The following PRKG1 variants were observed in gnomAD, a reference collection of about 807,000 sequenced individuals.
PRKG1 encodes cGMP-dependent protein kinase 1.
A neutral mutation model predicts 88.1 loss-of-function variants in PRKG1; 35 were observed. The observed-to-expected ratio is 0.40, with a 90% CI of 0.30 to 0.53. PRKG1 has a LOEUF of 0.53. PRKG1 is among the 20% of genes least tolerant of loss of function. The pLI is 0.59. For synonymous variants in PRKG1, 303 were observed against 292.5 expected, an observed-to-expected ratio of 1.04 and a Z score of -0.37; for missense variants, 540 against 839.8, an observed-to-expected ratio of 0.64 and a Z score of 4.41.
intron 3 of PRKG1, among the ~76,000 whole-genome samples, chr10:51,689,903 G>A (rs1194559040): frequency 1.3e-5 from 2 of 152,162 alleles, no homozygotes; most frequent in African/African-American, 4.8e-5. Context: ...GGTAGTGTGC[G>A]ACATTGGTAT....
intron 13 of PRKG1, among the ~76,000 whole-genome samples, chr10:52,281,900 C>T (rs539159539): frequency 2.3e-4 from 35 of 152,038 alleles, no homozygotes; most frequent in Non-Finnish European, 4.7e-4. Context: ...AAACTATATT[C>T]GGAAAGGAAG....
At chr10:51,904,052 C>A (rs139379316) in intron 4 of PRKG1, among the ~76,000 whole-genome samples, 1 of 152,052 alleles carries the variant, frequency 6.6e-6, no homozygotes. Context: ...AATTGTAAGT[C>A]GTTGCTACAT....
chr10:51,365,558 T>G (rs1842571573), intron 2 of PRKG1, among the ~76,000 whole-genome samples: 1 of 151,914 alleles, frequency 6.6e-6, no homozygotes. Flanking sequence ...GGGCTGAATA[T>G]TCTAATAATT....
chr10:51,424,154 A>G (rs1367264458), intron 2 of PRKG1, among the ~76,000 whole-genome samples: 2 of 152,148 alleles, frequency 1.3e-5, no homozygotes, highest in Non-Finnish European at 2.9e-5. Context: ...TTTTAACATA[A>G]AAGAATCTGA....
chr10:51,766,217 C>T (rs1838158624), intron 3 of PRKG1, among the ~76,000 whole-genome samples: 2 of 149,314 alleles, frequency 1.3e-5, no homozygotes, highest in African/African-American at 5.2e-5. Flanking sequence ...TGCTGTTTCA[C>T]AGTTAAATAC....
chr10:51,010,253 C>G (rs1842978168), intron 1 of PRKG1, among the ~76,000 whole-genome samples: 1 of 152,216 alleles, frequency 6.6e-6, no homozygotes, highest in African/African-American at 2.4e-5. Context: ...AGCATCTTTG[C>G]CAATTATTTG....
chr10:51,067,747 G>C (rs188376014), intron 1 of PRKG1, among the ~76,000 whole-genome samples: 28 of 152,098 alleles, frequency 1.8e-4, no homozygotes, highest in African/African-American at 6.5e-4. Context: ...TATCAAAAAA[G>C]TGTGAAATTT....
chr10:52,067,116 T>C (rs1330907613), intron 7 of PRKG1, among the ~76,000 whole-genome samples: 1 of 152,218 alleles, frequency 6.6e-6, no homozygotes, highest in East Asian at 1.9e-4. Flanking sequence ...AACTTAGAAA[T>C]TGATATAACT....
At chr10:51,038,173 G>A (rs1032924089) in intron 1 of PRKG1, among the ~76,000 whole-genome samples, 3 of 152,102 alleles carry the variant, frequency 2.0e-5, no homozygotes, top group Admixed American at 6.5e-5. Context: ...TACACATTGC[G>A]CAAACTTTAA....
intron 4 of PRKG1, among the ~76,000 whole-genome samples, chr10:51,811,825 A>G (rs1164195129): frequency 6.6e-6 from 1 of 152,154 alleles, no homozygotes; most frequent in Admixed American, 6.5e-5. Flanking sequence ...TGTAATATCC[A>G]TTTTTAGTGA....
At chr10:51,666,609 T>C (rs1373772815) in intron 3 of PRKG1, among the ~76,000 whole-genome samples, 2 of 152,136 alleles carry the variant, frequency 1.3e-5, no homozygotes, top group African/African-American at 4.8e-5. Flanking sequence ...TGAAGTGAAA[T>C]ATCTGCTAGT....
At chr10:52,223,146 T>C (rs1353390062) in intron 9 of PRKG1, among the ~76,000 whole-genome samples, 1 of 152,138 alleles carries the variant, frequency 6.6e-6, no homozygotes, top group Non-Finnish European at 1.5e-5. Context: ...TATCTCCATA[T>C]CCCTGCTTTG....
intron 2 of PRKG1, among the ~76,000 whole-genome samples, chr10:51,382,252 C>T (rs935253458): frequency 6.6e-6 from 1 of 152,026 alleles, no homozygotes; most frequent in Non-Finnish European, 1.5e-5. Flanking sequence ...AGAATGGAGG[C>T]TATTCTTAAA....
chr10:51,736,993 A>T (rs1022169804), intron 3 of PRKG1, among the ~76,000 whole-genome samples: 3 of 152,140 alleles, frequency 2.0e-5, no homozygotes, highest in Admixed American at 2.0e-4. Context: ...TCAGTTCACC[A>T]TCCTTCAATA....
chr10:51,863,983 A>G (rs1238578897), intron 4 of PRKG1, among the ~76,000 whole-genome samples: 1 of 152,158 alleles, frequency 6.6e-6, no homozygotes, highest in Non-Finnish European at 1.5e-5. Flanking sequence ...CCTTAAACCA[A>G]TGTCATTTCT....
intron 4 of PRKG1, among the ~76,000 whole-genome samples, chr10:51,904,012 C>G (rs1842034572): frequency 6.6e-6 from 1 of 152,068 alleles, no homozygotes; most frequent in African/African-American, 2.4e-5. Flanking sequence ...AGAAACTACT[C>G]AAATCTCATC....
intron 2 of PRKG1, among the ~76,000 whole-genome samples, chr10:51,368,170 T>C (rs1387744016): frequency 6.6e-6 from 1 of 152,080 alleles, no homozygotes; most frequent in Non-Finnish European, 1.5e-5. Context: ...TTTTGCAATG[T>C]GAATATTACC....
At chr10:51,368,947 TA>T (rs1181438132) in intron 2 of PRKG1, among the ~76,000 whole-genome samples, 1 of 152,066 alleles carries the variant, frequency 6.6e-6, no homozygotes, top group South Asian at 2.1e-4. Flanking sequence ...AATGTACTGT[TA>T]TTAAATTCTA....
At chr10:51,677,225 G>T (rs1309207996) in intron 3 of PRKG1, among the ~76,000 whole-genome samples, 1 of 151,892 alleles carries the variant, frequency 6.6e-6, no homozygotes, top group African/African-American at 2.4e-5. Context: ...CATTTTTATT[G>T]TTGTCTAGTA....
Sources: gnomAD v4.1 joint callset for allele counts (sites outside exome capture counted in the v4.1 genomes callset) on GRCh38, gnomAD v4.1.1 for gene constraint, MANE v1.5 for transcripts, NCBI Gene and HGNC (gene_info 2026-07-23, HGNC 2026-07-21) for gene names.